Variants in DCAF6 observed in about 807,000 individuals in gnomAD.
DCAF6 encodes the protein DDB1- and CUL4-associated factor 6.
A neutral mutation model predicts 125.1 loss-of-function variants in DCAF6; 54 were observed. That is an observed-to-expected ratio of 0.43 (90% confidence interval 0.35 to 0.54). The LOEUF is 0.54. Among genes scored for constraint, DCAF6 ranks in the 20% least tolerant of loss-of-function variants. DCAF6 has a pLI of 0.01. For synonymous variants in DCAF6, 371 were observed against 390.4 expected, an observed-to-expected ratio of 0.95 and a Z score of 0.58; for missense variants, 934 against 1,161.7, an observed-to-expected ratio of 0.80 and a Z score of 2.85.
chr1:167,925,440 C>CATATATATATAT, the DCAF6 span, among the ~76,000 whole-genome samples: 5 of 49,648 alleles, frequency 1.0e-4, no homozygotes, highest in East Asian at 9.2e-4. Context: ...TATACATATA[C>CATATATATATAT]ACATATATAT....
chr1:167,948,134 C>CTTTTTTTTTTT (rs34716266), intron 1 of DCAF6, among the ~76,000 whole-genome samples: 1 of 132,844 alleles, frequency 7.5e-6, no homozygotes, highest in Non-Finnish European at 1.6e-5. Flanking sequence ...TTTCTTAGTC[C>CTTTTTTTTTTT]TTTTTTTTTT....
chr1:167,874,775 A>T, the DCAF6 span, among the ~76,000 whole-genome samples: 7 of 152,238 alleles, frequency 4.6e-5, no homozygotes, highest in African/African-American at 1.7e-4. Context: ...GGAATACTAC[A>T]TAGTAATGAC....
intron 13 of DCAF6, among the ~76,000 whole-genome samples, chr1:168,042,460 A>G (rs1688663080): frequency 6.6e-6 from 1 of 152,010 alleles, no homozygotes; most frequent in South Asian, 2.1e-4. Flanking sequence ...GGTGAGTATT[A>G]AAACTGAAGC....
At chr1:167,977,298 C>T (rs1374966526) in intron 4 of DCAF6, among the ~76,000 whole-genome samples, 1 of 149,194 alleles carries the variant, frequency 6.7e-6, no homozygotes, top group African/African-American at 2.5e-5. Context: ...TCCTTTCTTC[C>T]TTTTCTTTCC....
At chr1:168,026,401 AT>A (rs1472215827) in intron 12 of DCAF6, among the ~76,000 whole-genome samples, 3 of 152,166 alleles carry the variant, frequency 2.0e-5, no homozygotes, top group African/African-American at 7.2e-5. Context: ...TGGAAAGATC[AT>A]TTTGGCAACA....
chr1:167,960,209 C>T (rs762254270), intron 2 of DCAF6, among the ~76,000 whole-genome samples: 6 of 151,968 alleles, frequency 3.9e-5, no homozygotes, highest in Non-Finnish European at 8.8e-5. Context: ...GCTCTGAATT[C>T]TGTTTAGTTA....
chr1:168,036,024 T>C (rs1325958946), intron 12 of DCAF6, among the ~76,000 whole-genome samples: 1 of 152,046 alleles, frequency 6.6e-6, no homozygotes. Flanking sequence ...ATCGCGCCAT[T>C]GCACTCCAGT....
chr1:168,057,614 TCTGGTGGGTG>T (rs1213325781), intron 17 of DCAF6, among the ~76,000 whole-genome samples: 1 of 152,088 alleles, frequency 6.6e-6, no homozygotes, highest in Non-Finnish European at 1.5e-5. Context: ...TGCTAGATAC[TCTGGTGGGTG>T]CTGGTGATAA....
At chr1:167,980,310 G>A (rs943603731) in intron 4 of DCAF6, among the ~76,000 whole-genome samples, 12 of 152,030 alleles carry the variant, frequency 7.9e-5, no homozygotes, top group Admixed American at 7.9e-4. Flanking sequence ...TCAAGATCCC[G>A]TTTCCAGTTT....
rs776707096 is a variant in DCAF6 at position 167,974,945 on chromosome 1, C to T, written c.368C>T (p.Thr123Ile). Residue 123 changes from threonine (T) to isoleucine (I), a missense_variant, in exon 4 of 22, where the codon ACC becomes ATC. Physicochemically the swap from Thr to Ile is moderately conservative, Grantham distance 89. Transcript: ENST00000367840. The stretch of plus-strand genomic sequence containing the variant: ...TCTGGAGATGGAGTAATATTTTATA[C>T]CAACGTTGAGCAAGATGCAGAAACC... ...SCSGDGVIFY[T>I]NVEQDAETNR... is the part of the protein sequence containing the mutation. 1 of 1,608,530 alleles carries T rather than the reference C, an allele frequency of 6.2e-7. No individual in the cohort carries two copies. The highest frequency in any genetic ancestry group is 8.5e-7 in the Non-Finnish European group (1 of 1,177,486).
intron 21 of DCAF6, among the ~76,000 whole-genome samples, chr1:168,069,354 A>G (rs893887236): frequency 1.3e-5 from 2 of 152,178 alleles, no homozygotes; most frequent in Non-Finnish European, 2.9e-5. Flanking sequence ...GCTGATTTAC[A>G]GCATTCTTTT....
chr1:168,015,644 C>G, intron 10 of DCAF6, 137 bp from the exon 11 acceptor site: 1 of 666,182 alleles, frequency 1.5e-6, no homozygotes, highest in Non-Finnish European at 2.2e-6. Flanking sequence ...AATTTTTTAT[C>G]AGTAATTTGT....
chr1:167,955,174 C>A (rs1394210421), intron 2 of DCAF6, among the ~76,000 whole-genome samples: 2 of 152,152 alleles, frequency 1.3e-5, no homozygotes, highest in African/African-American at 4.8e-5. Flanking sequence ...TCTCTGTTCA[C>A]CTGTCAGTGG....
At chr1:168,043,913 A>G (rs943433516) in intron 14 of DCAF6, among the ~76,000 whole-genome samples, 1 of 152,174 alleles carries the variant, frequency 6.6e-6, no homozygotes, top group African/African-American at 2.4e-5. Flanking sequence ...AGATTTTACC[A>G]AATACATGAT....
At position 168,070,297 on chromosome 1, in the gene DCAF6, A is replaced by C. The variant is rs920123927; in HGVS notation, c.2791+1834A>C. Reference sequence around the variant, plus strand: ...CATTTCTGCTGCCCTTATCTTTAAGATATCTAGTTATTTGATGGGTCAGTT... The same window carrying C: ...CATTTCTGCTGCCCTTATCTTTAAGCTATCTAGTTATTTGATGGGTCAGTT... On this transcript the variant is annotated intron_variant, in intron 21 of 21. Transcript: ENST00000367840. Among the ~76,000 whole-genome samples the C allele has an allele frequency of 2.0e-5, 3 of 152,072 alleles. 1 individual carries two copies. In the South Asian group the frequency reaches 6.2e-4, roughly 32 times the overall value.
At chr1:167,941,357 A>T (rs1161840201) in intron 1 of DCAF6, among the ~76,000 whole-genome samples, 1 of 152,244 alleles carries the variant, frequency 6.6e-6, no homozygotes, top group Non-Finnish European at 1.5e-5. Flanking sequence ...TTCCTAAAAT[A>T]GGATGAATCA....
intron 4 of DCAF6, among the ~76,000 whole-genome samples, chr1:167,983,627 G>A (rs1229582872): frequency 6.6e-6 from 1 of 152,154 alleles, no homozygotes; most frequent in Non-Finnish European, 1.5e-5. Flanking sequence ...GCCTTCTTGG[G>A]TCCTTCTTTG....
At chr1:167,997,169 A>G (rs773565927) in intron 7 of DCAF6, among the ~76,000 whole-genome samples, 2 of 152,198 alleles carry the variant, frequency 1.3e-5, no homozygotes, top group Non-Finnish European at 2.9e-5. Flanking sequence ...GTTATTTCAC[A>G]TACTCAGAAA....
At chr1:167,912,417 A>G in the DCAF6 span, among the ~76,000 whole-genome samples, 1 of 152,120 alleles carries the variant, frequency 6.6e-6, no homozygotes, top group Non-Finnish European at 1.5e-5. Flanking sequence ...CCACCTCCAC[A>G]TACTCCCACG....
Sources: allele counts gnomAD v4.1 joint callset (sites outside exome capture counted in the v4.1 genomes callset), GRCh38; gene constraint gnomAD v4.1.1; transcripts MANE v1.5; gene names NCBI Gene and HGNC (gene_info 2026-07-23, HGNC 2026-07-21).